DTX2: variants seen among roughly 807,000 people sequenced by gnomAD.
DTX2 encodes probable E3 ubiquitin-protein ligase DTX2.
DTX2 carries 29 observed loss-of-function variants against 55.3 expected under a neutral mutation model. That is an observed-to-expected ratio of 0.52 (90% CI 0.39 to 0.71). The LOEUF (loss-of-function observed/expected upper bound fraction) is 0.71, where lower values mean the gene tolerates loss of function less well. Ranked by LOEUF, DTX2 falls within the 30% of genes least tolerant of loss-of-function variation. The pLI is 0.00. For missense variants in DTX2, 537 were observed against 822.5 expected, an observed-to-expected ratio of 0.65 and a Z score of 4.25; for synonymous variants, 276 against 340.4, an observed-to-expected ratio of 0.81 and a Z score of 2.08.
At chr7:76,498,879 GA>G in intron 6 of DTX2, among the ~76,000 whole-genome samples, 1 of 95,250 alleles carries the variant, frequency 1.0e-5, no homozygotes, top group Non-Finnish European at 2.0e-5. Flanking sequence ...GGGGTGTGTG[GA>G]GGTGTGGGGT....
intron 2 of DTX2, among the ~76,000 whole-genome samples, chr7:76,477,886 G>A (rs880777): frequency 1.3e-5 from 2 of 149,542 alleles, no homozygotes; most frequent in Admixed American, 6.7e-5. Flanking sequence ...GAGTTATTCA[G>A]CCAAGGTCAC....
intron 3 of DTX2, among the ~76,000 whole-genome samples, chr7:76,481,528 A>G (rs1272647748): frequency 2.6e-5 from 4 of 152,098 alleles, no homozygotes; most frequent in Non-Finnish European, 4.4e-5. Flanking sequence ...ATGAGGCACC[A>G]GTTTCCTCTC....
intron 6 of DTX2, among the ~76,000 whole-genome samples, chr7:76,498,345 C>T (rs1222275120): frequency 1.3e-4 from 20 of 151,316 alleles, no homozygotes; most frequent in Admixed American, 1.1e-3. Context: ...GGGTGGGCCT[C>T]GAGCTCCTGC....
Position 76,502,532 on chromosome 7 carries a change from G to A in DTX2, c.1389+76G>A, listed in dbSNP as rs1385968620. ...GAGCTGTCCCCTGCAGGGGCGGGAGGGTTCCGGGGGTGGCTGTAGGAATGG... is the reference window on the plus strand; with the variant it reads ...GAGCTGTCCCCTGCAGGGGCGGGAGAGTTCCGGGGGTGGCTGTAGGAATGG... On this transcript the variant is annotated intron_variant, in intron 8 of 10. Coordinates refer to ENST00000430490, the MANE Select transcript of DTX2 (RefSeq NM_001102594.3). 4 of 1,493,586 alleles carry A rather than the reference G, an allele frequency of 2.7e-6. No individual in the cohort carries two copies. In the East Asian group the frequency reaches 9.4e-5, roughly 35 times the overall value. 92.5% of individuals were successfully genotyped at this position (1,493,586 alleles called of 1,614,324 possible). A position where few individuals can be genotyped will look rare whatever the true frequency, so the allele number is the denominator to read the frequency against.
At chr7:76,504,021 C>T (rs1440589635) in intron 9 of DTX2, among the ~76,000 whole-genome samples, 1 of 148,330 alleles carries the variant, frequency 6.7e-6, no homozygotes, top group Non-Finnish European at 1.5e-5. Flanking sequence ...CCCAGAGTCC[C>T]AGAGGAGACT....
chr7:76,502,999 G>C (rs1247029175), intron 8 of DTX2: 1 of 216,088 alleles, frequency 4.6e-6, no homozygotes, highest in Admixed American at 5.2e-5. Flanking sequence ...GCCTTCAGGC[G>C]GGATGGGCAG....
intron 2 of DTX2, among the ~76,000 whole-genome samples, chr7:76,468,751 G>A (rs1239018381): frequency 2.2e-4 from 8 of 36,728 alleles, no homozygotes; most frequent in African/African-American, 5.3e-4. Flanking sequence ...GAGCCACCAC[G>A]CCCAGCATTT....
At chr7:76,472,965 G>T (rs560126879) in intron 2 of DTX2, among the ~76,000 whole-genome samples, 14 of 152,114 alleles carry the variant, frequency 9.2e-5, no homozygotes, top group African/African-American at 2.9e-4. Flanking sequence ...TAAACCTCTT[G>T]ATACATATAT....
intron 2 of DTX2, among the ~76,000 whole-genome samples, chr7:76,478,477 A>C: frequency 7.7e-6 from 1 of 129,470 alleles, no homozygotes; most frequent in Non-Finnish European, 1.6e-5. Flanking sequence ...GTGCCTTGGG[A>C]TTATAGCTCA....
chr7:76,503,595 G>A lies in DTX2; in HGVS notation c.1551+8G>A. 4 of 1,605,600 alleles carry A rather than the reference G, an allele frequency of 2.5e-6. 1 individual carries two copies. In the South Asian group the frequency reaches 3.3e-5, roughly 13 times the overall value. ...ATTCCCCATGGTATCCAGGTGAGGG[G>A]CCTTCTTGAGTCCCCCACTCCTGGC... On this transcript the variant is annotated splice_region_variant and intron_variant, in intron 9 of 10. Transcript: ENST00000430490.
Position 76,503,434 on chromosome 7 carries a change from T to C in DTX2, c.1398T>C (p.Ser466=). 6.2e-7 allele frequency: 1 copy of C among 1,612,554 alleles called. No individual in the cohort carries two copies. Among genetic ancestry groups the C allele is most frequent in the Admixed American group, 1.7e-5 (1 of 59,986 alleles). The change falls in exon 9 of 11, where the codon AGT becomes AGC. Residue 466 remains serine, a synonymous_variant. Coordinates refer to ENST00000430490, the MANE Select transcript of DTX2 (RefSeq NM_001102594.3). ...AMYCNGNKDG[S]LQCPSCKTIY... ...GCGTCTGCCTCTGTCAGGATGGAAG[T>C]CTGCAGTGTCCCTCCTGCAAAACCA...
At position 76,482,554 on chromosome 7, in the gene DTX2, C is replaced by A. The variant is rs370774997; in HGVS notation, c.315C>A (p.Ala105=). Residue 105 remains alanine (A), a synonymous_variant, in exon 4 of 11, where the codon GCC becomes GCA. Coordinates refer to ENST00000430490, the MANE Select transcript of DTX2 (RefSeq NM_001102594.3). ...VRRHLFPQHS[A]PGRGVVWEWL... ...GACACCTGTTCCCCCAGCACTCAGCCCCTGGCCGAGGTGTCGTCTGGGAGT... is the reference window on the plus strand; with the variant it reads ...GACACCTGTTCCCCCAGCACTCAGCACCTGGCCGAGGTGTCGTCTGGGAGT... 7.4e-6 allele frequency: 12 copies of A among 1,612,170 alleles called. No individual in the cohort carries two copies. The highest frequency in any genetic ancestry group is 9.3e-6 in the Non-Finnish European group (11 of 1,178,720).
chr7:76,471,534 A>T (rs557693594), intron 2 of DTX2, among the ~76,000 whole-genome samples: 8 of 143,244 alleles, frequency 5.6e-5, no homozygotes, highest in East Asian at 2.1e-4. Context: ...GCTGTTATTT[A>T]TTTTTTTTTA....
intron 7 of DTX2, chr7:76,501,274 A>T (rs1441058588): frequency 2.2e-6 from 1 of 456,220 alleles, no homozygotes; most frequent in Non-Finnish European, 4.4e-6. Context: ...CAGTCTGTTG[A>T]GTCCATGAGA....
intron 4 of DTX2, among the ~76,000 whole-genome samples, chr7:76,486,845 G>GGGT (rs1809960745): frequency 2.0e-5 from 3 of 149,018 alleles, no homozygotes; most frequent in Admixed American, 6.8e-5. Flanking sequence ...CTGTTGTGGT[G>GGGT]GGCTGCTGCT....
intron 8 of DTX2, 54 bp from the exon 9 acceptor site, chr7:76,503,372 G>A (rs1811951956): frequency 8.9e-6 from 14 of 1,575,030 alleles, no homozygotes; most frequent in South Asian, 1.2e-5. Context: ...TGGAGGTGAC[G>A]GTCTTGGGTG....
chr7:76,474,744 G>A (rs1030520504), intron 2 of DTX2: 24 of 152,116 alleles, frequency 1.6e-4, no homozygotes, highest in African/African-American at 5.8e-4. Context: ...CTCACAGCTG[G>A]GCAGGGTGAT....
chr7:76,503,801 G>A (rs972295178), intron 9 of DTX2, among the ~76,000 whole-genome samples: 2 of 150,348 alleles, frequency 1.3e-5, no homozygotes, highest in Non-Finnish European at 3.0e-5. Flanking sequence ...CAAAAGGCTG[G>A]CCCTCCACTC....
intron 2 of DTX2, among the ~76,000 whole-genome samples, chr7:76,468,015 T>G (rs1807364562): frequency 6.6e-6 from 1 of 152,232 alleles, no homozygotes; most frequent in Non-Finnish European, 1.5e-5. Context: ...GTGATCTGTA[T>G]GCAAGGGAAT....
Sources: gnomAD v4.1 joint callset for allele counts (sites outside exome capture counted in the v4.1 genomes callset) on GRCh38, gnomAD v4.1.1 for gene constraint, MANE v1.5 for transcripts, NCBI Gene and HGNC (gene_info 2026-07-23, HGNC 2026-07-21) for gene names.